NPHP1: variants seen among roughly 807,000 people sequenced by gnomAD.
NPHP1 encodes nephrocystin 1, also known as nephrocystin-1.
Under a neutral mutation model 90.4 loss-of-function variants are expected in NPHP1, and 70 were observed. That is an observed-to-expected ratio of 0.77 (90% CI 0.64 to 0.95). The LOEUF (loss-of-function observed/expected upper bound fraction) is 0.95. NPHP1 is among the 40% of genes least tolerant of loss of function. NPHP1 has a pLI of 0.00. For synonymous variants in NPHP1, 256 were observed against 271.7 expected (o/e 0.94, Z 0.57); for missense variants, 764 against 795.9 (o/e 0.96, Z 0.48).
intron 2 of NPHP1, among the ~76,000 whole-genome samples, chr2:110,183,710 A>C (rs942492890): frequency 1.3e-5 from 2 of 152,092 alleles, no homozygotes; most frequent in African/African-American, 4.8e-5. Flanking sequence ...ATAGTGGGAG[A>C]CTTTAATACC....
At chr2:110,156,748 G>T (rs1487795319) in intron 11 of NPHP1, among the ~76,000 whole-genome samples, 2 of 150,732 alleles carry the variant, frequency 1.3e-5, no homozygotes, top group African/African-American at 4.9e-5. Flanking sequence ...CAATGCCTTT[G>T]GTTTTGTGTG....
intron 1 of NPHP1, among the ~76,000 whole-genome samples, chr2:110,201,952 T>C (rs907492834): frequency 2.6e-5 from 4 of 152,164 alleles, no homozygotes; most frequent in African/African-American, 9.7e-5. Context: ...CCCTCCTTAT[T>C]CCTCCACAGA....
intron 9 of NPHP1, 70 bp from the exon 10 acceptor site, chr2:110,161,767 T>C: frequency 8.7e-7 from 1 of 1,150,494 alleles, no homozygotes; most frequent in Non-Finnish European, 1.3e-6. Flanking sequence ...CATAATGTTA[T>C]GCTATGAACT....
At chr2:110,184,572 G>A in intron 2 of NPHP1, 2 of 1,304,270 alleles carry the variant, frequency 1.5e-6, no homozygotes, top group Non-Finnish European at 2.2e-6. Context: ...CATCTATCAG[G>A]GCTTTGCCAT....
intron 14 of NPHP1, among the ~76,000 whole-genome samples, chr2:110,144,927 T>G (rs550929376): frequency 2.0e-5 from 3 of 152,278 alleles, no homozygotes; most frequent in African/African-American, 7.2e-5. Context: ...TGTTAAATCA[T>G]TATTTGAAAT....
Position 110,159,902 on chromosome 2 carries a change from CT to C in NPHP1, c.1083+224del, listed in dbSNP as rs74744530. On this transcript the variant is annotated intron_variant, in intron 11 of 19. Transcript: ENST00000445609. ...AGATCACTGACTTTAAATCTTTTAT[CT>C]TTTTTTTAATATACACAATTAAAAC... Among the ~76,000 whole-genome samples the C allele has an allele frequency of 2.0e-3, 308 of 151,750 alleles. 8 individuals carry two copies. The East Asian group carries it at 0.042, about 21-fold the overall frequency.
chr2:110,151,144 C>T (rs780695089), intron 11 of NPHP1, among the ~76,000 whole-genome samples: 5 of 126,612 alleles, frequency 3.9e-5, no homozygotes, highest in African/African-American at 5.9e-5. Context: ...CCAGCCTGAG[C>T]GATGGAGCAA....
At chr2:110,126,038 A>G (rs957946640) in intron 18 of NPHP1, 2 of 303,374 alleles carry the variant, frequency 6.6e-6, no homozygotes, top group Non-Finnish European at 1.3e-5. Context: ...AAAATAGAAA[A>G]CACTGCCAAA....
intron 2 of NPHP1, chr2:110,184,610 C>T (rs1177387248): frequency 2.9e-5 from 31 of 1,082,708 alleles, no homozygotes; most frequent in African/African-American, 4.5e-5. Context: ...GAATTGACAT[C>T]GCAAGCTGGA....
intron 10 of NPHP1, 130 bp from the exon 11 acceptor site, chr2:110,160,385 A>G: frequency 1.5e-6 from 1 of 661,262 alleles, no homozygotes; most frequent in Admixed American, 2.8e-5. Context: ...ATATACAATA[A>G]AAGTTTCAAT....
At chr2:110,126,455 T>C (rs1434884525) in intron 18 of NPHP1, 1 of 152,362 alleles carries the variant, frequency 6.6e-6, no homozygotes, top group Non-Finnish European at 1.5e-5. Context: ...AAATGATGCA[T>C]TGATAGAGCG....
At chr2:110,179,421 T>C (rs1306130603) in intron 3 of NPHP1, among the ~76,000 whole-genome samples, 1 of 152,184 alleles carries the variant, frequency 6.6e-6, no homozygotes, top group Admixed American at 6.5e-5. Context: ...AAGCTGAACA[T>C]TTTTCGGTAG....
intron 4 of NPHP1, among the ~76,000 whole-genome samples, chr2:110,176,405 G>A (rs977545463): frequency 1.3e-5 from 2 of 151,768 alleles, no homozygotes; most frequent in Admixed American, 6.6e-5. Flanking sequence ...AGAAGTCCTT[G>A]TCAGCTAACT....
chr2:110,131,488 G>A (rs1679770377), intron 17 of NPHP1, among the ~76,000 whole-genome samples, 191 bp downstream of exon 17: 1 of 152,190 alleles, frequency 6.6e-6, no homozygotes. Context: ...AACTGAATAT[G>A]TGTCGAGTTC....
intron 2 of NPHP1, among the ~76,000 whole-genome samples, chr2:110,192,439 A>G (rs1377338642): frequency 2.6e-5 from 4 of 152,160 alleles, no homozygotes; most frequent in African/African-American, 9.7e-5. Context: ...AAATAAAGCA[A>G]ACAGAGAAGT....
rs144850331 is a variant in NPHP1 at position 110,123,875 on chromosome 2, C to G, written c.1950G>C (p.Leu650=). 7 of 1,613,998 alleles carry G rather than the reference C, an allele frequency of 4.3e-6. No homozygotes were observed. In the African/African-American group the frequency reaches 9.3e-5, roughly 22 times the overall value. Residue 650 remains leucine, a synonymous_variant, in exon 20 of 20, where the codon CTG becomes CTC. Transcript: ENST00000445609. ...QENQGALQAL[L]SPDGVHEPFD... is the part of the protein sequence containing the mutation. ...AAGGTTCATGAACTCCGTCTGGTGA[C>G]AGCAGAGCTTGGAGGGCGCCCTGGT...
intron 2 of NPHP1, 24 bp from the exon 3 acceptor site, chr2:110,179,708 T>C (rs1683755939): frequency 5.8e-6 from 6 of 1,040,330 alleles, no homozygotes; most frequent in Non-Finnish European, 8.8e-6. Context: ...AAAAAGAAAA[T>C]ATATTGATTT....
At position 110,184,652 on chromosome 2, in the gene NPHP1, T is replaced by A. The variant is rs540968303; in HGVS notation, c.144-4968A>T. 48 of 779,556 alleles carry A rather than the reference T, an allele frequency of 6.2e-5. No individual in the cohort carries two copies. The African/African-American group carries it at 6.6e-4, about 11-fold the overall frequency. 48.3% of individuals were successfully genotyped at this position (779,556 alleles called of 1,614,324 possible). A position where few individuals can be genotyped will look rare whatever the true frequency, so the allele number is the denominator to read the frequency against. On this transcript the variant is annotated intron_variant, in intron 2 of 19. Coordinates refer to ENST00000445609, the MANE Select transcript of NPHP1 (RefSeq NM_001128178.3). ...CTCGCTTCCTGCACCTCTACCTGCA[T>A]AAGGAGGGCTATGATTTCCACTCAT...
chr2:110,142,963 A>G (rs894529389), intron 16 of NPHP1, among the ~76,000 whole-genome samples: 1 of 152,190 alleles, frequency 6.6e-6, no homozygotes, highest in African/African-American at 2.4e-5. Flanking sequence ...GCTAAGTGAA[A>G]GAAGCCAGAC....
Sources: gnomAD v4.1 joint callset for allele counts (sites outside exome capture counted in the v4.1 genomes callset) on GRCh38, gnomAD v4.1.1 for gene constraint, MANE v1.5 for transcripts, NCBI Gene and HGNC (gene_info 2026-07-23, HGNC 2026-07-21) for gene names.